The following CUBN variants were observed in gnomAD, a reference collection of about 807,000 sequenced individuals.
CUBN encodes cubilin.
CUBN carries 282 observed loss-of-function variants against 405.3 expected under a neutral mutation model. The ratio of observed to expected loss-of-function variants is 0.70; its 90% CI spans 0.63 to 0.77. CUBN has a LOEUF of 0.77. Among genes scored for constraint, CUBN ranks in the 30% least tolerant of loss-of-function variants. The probability of loss-of-function intolerance (pLI) is 0.00; values close to 1 mark genes in which losing one functional copy is unlikely to be tolerated. For synonymous variants in CUBN, 1,684 were observed against 1,617.0 expected (o/e 1.04, Z -0.99); for missense variants, 4,514 against 4,475.2 (o/e 1.01, Z -0.25).
chr10:16,998,135 G>A (rs1002124280), intron 28 of CUBN, among the ~76,000 whole-genome samples: 1 of 152,122 alleles, frequency 6.6e-6, no homozygotes, highest in South Asian at 2.1e-4. Flanking sequence ...CAGGAGAGGA[G>A]AGAGTTGTCC....
At chr10:16,869,954 T>C (rs1840303052) in intron 58 of CUBN, 101 bp from the exon 59 acceptor site, 1 of 807,246 alleles carries the variant, frequency 1.2e-6, no homozygotes, top group Non-Finnish European at 2.1e-6. Context: ...AAACTACCAG[T>C]AGAGCATTCA....
At chr10:16,962,325 A>T (rs1588524495) in intron 31 of CUBN, among the ~76,000 whole-genome samples, 1 of 152,108 alleles carries the variant, frequency 6.6e-6, no homozygotes, top group Admixed American at 6.5e-5. Context: ...TGAAGTAGGG[A>T]ATTAGAAAGC....
intron 45 of CUBN, among the ~76,000 whole-genome samples, chr10:16,917,816 ATAGACTTATTTT>A (rs1841924627): frequency 6.6e-6 from 1 of 152,194 alleles, no homozygotes; most frequent in Non-Finnish European, 1.5e-5. Context: ...AATTAGGCAA[ATAGACTTATTTT>A]TAAAAAGTCA....
intron 52 of CUBN, 41 bp from the exon 53 acceptor site, chr10:16,900,891 T>C (rs1407022103): frequency 7.3e-7 from 1 of 1,362,524 alleles, no homozygotes. Flanking sequence ...TGAGCTTTTA[T>C]CAACTGTTAC....
Position 17,046,036 on chromosome 10 carries a change from G to A in CUBN, c.3388C>T (p.Pro1130Ser), listed in dbSNP as rs775982036. Reference sequence around the variant, plus strand: ...TTGTTACTATGAGAGATGATTGTTGGGGGTAGATTTGAGCCATAGAATATT... The same window carrying A: ...TTGTTACTATGAGAGATGATTGTTGAGGGTAGATTTGAGCCATAGAATATT... ...LGIFYGSNLPPTIISHSNKLW... is the reference protein window; with the variant it reads ...LGIFYGSNLPSTIISHSNKLW... The change falls in exon 24 of 67, where the codon CCA becomes TCA. Residue 1130 changes from proline (P) to serine (S), a missense_variant. Physicochemically the swap from Pro to Ser is moderately conservative, Grantham distance 74. Coordinates refer to ENST00000377833, the MANE Select transcript of CUBN (RefSeq NM_001081.4). The A allele has an allele frequency of 6.2e-7, 1 of 1,613,694 alleles. No homozygotes were observed. Among genetic ancestry groups the A allele is most frequent in the Non-Finnish European group, 8.5e-7 (1 of 1,179,730 alleles).
chr10:16,851,962 A>G (rs191385945), intron 59 of CUBN, among the ~76,000 whole-genome samples: 321 of 27,180 alleles, frequency 0.012, 13 homozygotes, highest in African/African-American at 0.045. Context: ...CCCTCCCTCA[A>G]TCTTTCCCTC....
Position 16,886,968 on chromosome 10 carries a change from A to G in CUBN, c.8905+1449T>C, listed in dbSNP as rs568913434. 2.6e-5 allele frequency among the ~76,000 whole-genome samples: 4 copies of G among 152,090 alleles called. No individual in the cohort carries two copies. The South Asian group carries it at 8.3e-4, about 32-fold the overall frequency. On this transcript the variant is annotated intron_variant, in intron 56 of 66. Transcript: ENST00000377833. ...CACACCTGGCTAATTTTGTATTTTT[A>G]ACAGGGACAGGGTTTCTCCATGTTG...
intron 28 of CUBN, among the ~76,000 whole-genome samples, chr10:17,014,788 C>T (rs903728215): frequency 1.3e-5 from 2 of 152,152 alleles, no homozygotes; most frequent in South Asian, 2.1e-4. Context: ...GGGCCAGTGC[C>T]TGAGCAAACA....
intron 55 of CUBN, 48 bp from the exon 56 acceptor site, chr10:16,888,614 T>C: frequency 1.3e-6 from 2 of 1,561,212 alleles, no homozygotes; most frequent in African/African-American, 1.4e-5. Context: ...TTCTCGTGTA[T>C]CTATTTTGTC....
intron 57 of CUBN, among the ~76,000 whole-genome samples, chr10:16,876,224 A>C (rs1840495754): frequency 6.6e-6 from 1 of 152,224 alleles, no homozygotes; most frequent in African/African-American, 2.4e-5. Context: ...TGCAGCTGAG[A>C]TGTCTATTAG....
At chr10:17,105,282 GT>G (rs1030061857) in intron 11 of CUBN, among the ~76,000 whole-genome samples, 174 bp downstream of exon 11, 12 of 152,012 alleles carry the variant, frequency 7.9e-5, no homozygotes, top group Admixed American at 7.2e-4. Context: ...TTAACTCAAT[GT>G]TTTTTCCTAA....
At chr10:17,010,753 T>C (rs1834158568) in intron 28 of CUBN, among the ~76,000 whole-genome samples, 1 of 152,202 alleles carries the variant, frequency 6.6e-6, no homozygotes, top group African/African-American at 2.4e-5. Flanking sequence ...CTAATGTACG[T>C]TTCAAGCTGC....
intron 48 of CUBN, 100 bp downstream of exon 48, chr10:16,913,711 G>C: frequency 3.8e-6 from 5 of 1,329,046 alleles, no homozygotes; most frequent in African/African-American, 1.4e-5. Context: ...TAGTTGCATA[G>C]ATGGCAATTT....
chr10:16,974,963 C>A (rs78249812), intron 31 of CUBN, among the ~76,000 whole-genome samples: 23,298 of 152,118 alleles, frequency 0.15, 2,110 homozygotes, highest in Middle Eastern at 0.23. Flanking sequence ...TATAAAATAT[C>A]TGTTAATTGA....
intron 27 of CUBN, among the ~76,000 whole-genome samples, chr10:17,031,197 G>A (rs7089141): frequency 0.076 from 11,604 of 152,164 alleles, 1,476 homozygotes; most frequent in African/African-American, 0.26. Flanking sequence ...CAGAAAACAA[G>A]AGGAAAATTA....
chr10:17,071,350 G>C (rs2131848405), intron 19 of CUBN, 76 bp downstream of exon 19: 2 of 1,454,056 alleles, frequency 1.4e-6, no homozygotes, highest in Admixed American at 3.6e-5. Flanking sequence ...TCCTATAACA[G>C]ATTTGAAGAC....
intron 28 of CUBN, among the ~76,000 whole-genome samples, chr10:17,018,955 C>T (rs1261499719): frequency 6.6e-6 from 1 of 152,208 alleles, no homozygotes; most frequent in Non-Finnish European, 1.5e-5. Context: ...GACCCAGAAG[C>T]TCAGCCGGCT....
chr10:16,926,830 T>TCTAC (rs1416224960), intron 41 of CUBN, among the ~76,000 whole-genome samples: 2 of 151,794 alleles, frequency 1.3e-5, no homozygotes, highest in African/African-American at 2.4e-5. Flanking sequence ...TATCTATCTA[T>TCTAC]CTATCTATCT....
At chr10:16,913,175 T>C (rs958907744) in intron 48 of CUBN, among the ~76,000 whole-genome samples, 4 of 152,228 alleles carry the variant, frequency 2.6e-5, no homozygotes, top group African/African-American at 9.6e-5. Context: ...TAACAAACAC[T>C]GCAGAAGGGG....
Sources: gnomAD v4.1 joint callset for allele counts (sites outside exome capture counted in the v4.1 genomes callset) on GRCh38, gnomAD v4.1.1 for gene constraint, MANE v1.5 for transcripts, NCBI Gene and HGNC (gene_info 2026-07-23, HGNC 2026-07-21) for gene names.